Variants in URB1 observed in about 807,000 individuals in gnomAD.
URB1 encodes URB1 ribosome biogenesis factor.
In URB1, 197 loss-of-function variants were observed where a neutral mutation model predicts 242.3. The observed-to-expected ratio is 0.81, with a 90% confidence interval of 0.72 to 0.91. URB1 has a LOEUF of 0.91. URB1 is among the 40% of genes least tolerant of loss of function. The pLI is 0.00. For synonymous variants in URB1, 1,153 were observed against 1,201.8 expected (o/e 0.96, Z 0.84); for missense variants, 2,721 against 2,860.5 (o/e 0.95, Z 1.11).
chr21:32,391,856 T>TAAA (rs67993951), intron 1 of URB1, among the ~76,000 whole-genome samples: 8 of 130,284 alleles, frequency 6.1e-5, no homozygotes, highest in South Asian at 2.5e-4. Flanking sequence ...CTACAAAAAG[T>TAAA]AAAAAAAAAA....
intron 26 of URB1, among the ~76,000 whole-genome samples, 189 bp from the exon 27 acceptor site, chr21:32,337,703 T>A (rs999282701): frequency 1.3e-5 from 2 of 151,742 alleles, no homozygotes; most frequent in African/African-American, 4.9e-5. Context: ...TTTTCTTTTT[T>A]TCTTTTTTTT....
rs941604707 is a variant in URB1 at position 32,313,224 on chromosome 21, T to G, written c.*1694A>C. The G allele has an allele frequency of 2.0e-5, 3 of 152,214 alleles. No individual in the cohort carries two copies. The highest frequency in any genetic ancestry group is 2.1e-4 in the South Asian group (1 of 4,826). The allele number at this position is 152,214 out of a possible 1,614,324, so 9.4% of individuals were successfully genotyped here. On this transcript the variant is annotated 3_prime_UTR_variant, in exon 39 of 39. Coordinates refer to ENST00000382751, the MANE Select transcript of URB1 (RefSeq NM_014825.3). ...ATCCACCCCACCTGCTCGCTGCCCC[T>G]CCCTGTGCCCCCAGAGGCATGGGGT... is the stretch of plus-strand genomic sequence containing the variant.
At position 32,346,984 on chromosome 21, in the gene URB1, T is replaced by C. The variant is rs1190596413; in HGVS notation, c.3840A>G (p.Thr1280=). The change falls in exon 22 of 39, where the codon ACA becomes ACG. Residue 1280 remains threonine (T), a synonymous_variant. Coordinates refer to ENST00000382751, the MANE Select transcript of URB1 (RefSeq NM_014825.3). ...PLIHVYLQCR[T]RSHFTRPAGV... ...CTGCTGGGCGTGTGAAGTGGCTCCG[T>C]GTCCTGCACTGGAGGTACACATGGA... The C allele has an allele frequency of 2.6e-6, 4 of 1,529,000 alleles. No individual in the cohort carries two copies. In the South Asian group the frequency reaches 4.9e-5, roughly 19 times the overall value. The allele number at this position is 1,529,000 out of a possible 1,614,324, so 94.7% of individuals were successfully genotyped here.
At chr21:32,322,883 G>A (rs932380374) in intron 32 of URB1, among the ~76,000 whole-genome samples, 7 of 152,164 alleles carry the variant, frequency 4.6e-5, no homozygotes, top group Admixed American at 6.5e-5. Context: ...CAAACCAGCC[G>A]GTGGGAAGGG....
In URB1 at chr21:32,314,123, A is replaced by C. The variant is rs1189672340; in HGVS notation, c.*795T>G. ...AATAAAATAATTAAACACTGGCAGAAATTAACTTATTCAAAAAGTCATACT... is the reference window on the plus strand; with the variant it reads ...AATAAAATAATTAAACACTGGCAGACATTAACTTATTCAAAAAGTCATACT... On this transcript the variant is annotated 3_prime_UTR_variant, in exon 39 of 39. Transcript: ENST00000382751. 1 of 165,910 alleles carries C rather than the reference A, an allele frequency of 6.0e-6. No homozygotes were observed. The highest frequency in any genetic ancestry group is 2.4e-5 in the African/African-American group (1 of 41,624). 10.3% of individuals were successfully genotyped at this position (165,910 alleles called of 1,614,324 possible).
chr21:32,322,335 G>T, intron 33 of URB1, 143 bp downstream of exon 33: 1 of 737,618 alleles, frequency 1.4e-6, no homozygotes, highest in Non-Finnish European at 2.3e-6. Context: ...ACATTCCGAA[G>T]TGCAGGCCTG....
Position 32,392,985 on chromosome 21 carries a change from A to C in URB1, c.-75T>G. 1 of 1,415,438 alleles carries C rather than the reference A, an allele frequency of 7.1e-7. No individual in the cohort carries two copies. Among genetic ancestry groups the C allele is most frequent in the Non-Finnish European group, 9.2e-7 (1 of 1,084,218 alleles). 87.7% of individuals were successfully genotyped at this position (1,415,438 alleles called of 1,614,324 possible). A position where few individuals can be genotyped will look rare whatever the true frequency, so the allele number is the denominator to read the frequency against. On this transcript the variant is annotated 5_prime_UTR_variant, in exon 1 of 39. Transcript: ENST00000382751. ...GCAGGAGCACTGGCACAGACAGCAG[A>C]CACGCGCTTCAGGCCCACATGGCGC...
At chr21:32,356,415 A>G (rs1217945939) in intron 15 of URB1, among the ~76,000 whole-genome samples, 1 of 152,062 alleles carries the variant, frequency 6.6e-6, no homozygotes, top group Admixed American at 6.6e-5. Flanking sequence ...AGACAATATG[A>G]TCCCTTCTCT....
intron 14 of URB1, among the ~76,000 whole-genome samples, chr21:32,358,971 G>A (rs1568824029): frequency 6.6e-6 from 1 of 152,152 alleles, no homozygotes; most frequent in Non-Finnish European, 1.5e-5. Context: ...CCCAGCATGC[G>A]AGTAAGTTCT....
chr21:32,391,369 T>TA (rs71963938), intron 1 of URB1, among the ~76,000 whole-genome samples: 34,921 of 148,724 alleles, frequency 0.23, 4,933 homozygotes, highest in East Asian at 0.52. Context: ...AAAGTATGAT[T>TA]AAAAAAAAAA....
At position 32,333,448 on chromosome 21, in the gene URB1, G is replaced by C. The variant is rs1019685811; in HGVS notation, c.4858-29C>G. 4 of 1,513,968 alleles carry C rather than the reference G, an allele frequency of 2.6e-6. No homozygotes were observed. In the African/African-American group the frequency reaches 5.5e-5, roughly 21 times the overall value. The allele number at this position is 1,513,968 out of a possible 1,614,324, so 93.8% of individuals were successfully genotyped here. On this transcript the variant is annotated intron_variant, in intron 29 of 38. Transcript: ENST00000382751. Reference sequence around the variant, plus strand: ...AAAGAGCCAAAATCAACAAAAACGTGTGATTCAACCTCACAAAGGTAATAC... The same window carrying C: ...AAAGAGCCAAAATCAACAAAAACGTCTGATTCAACCTCACAAAGGTAATAC...
At chr21:32,354,299 A>G (rs1003165664) in intron 17 of URB1, among the ~76,000 whole-genome samples, 196 bp from the exon 18 acceptor site, 1 of 152,266 alleles carries the variant, frequency 6.6e-6, no homozygotes, top group African/African-American at 2.4e-5. Context: ...TTTGTCTGAT[A>G]AAATGCAGGA....
At position 32,311,439 on chromosome 21, in the gene URB1, AGG is replaced by A. The variant is rs1428509050; in HGVS notation, c.*3477_*3478del. The A allele has an allele frequency of 7.1e-6, 1 of 141,332 alleles. No individual in the cohort carries two copies. The highest frequency in any genetic ancestry group is 2.1e-4 in the East Asian group (1 of 4,758). The allele number at this position is 141,332 out of a possible 1,614,324, so 8.8% of individuals were successfully genotyped here. ...CACCCCCCCCATCCTAAATCAATGT[AGG>A]AAGAAGTGGCCTCCAGGGAAAGACC... On this transcript the variant is annotated 3_prime_UTR_variant, in exon 39 of 39. Coordinates refer to ENST00000382751, the MANE Select transcript of URB1 (RefSeq NM_014825.3).
At position 32,385,614 on chromosome 21, in the gene URB1, ATACCCTTC is replaced by A. The variant is rs1046060808; in HGVS notation, c.205_212del (p.Glu69TyrfsTer6). Reference sequence around the variant, plus strand: ...CGACACACTCAACAGAAATCTTTATATACCCTTCCACAACATCATACACATCTTCTCGT... The same window carrying A: ...CGACACACTCAACAGAAATCTTTATACACAACATCATACACATCTTCTCGT... On this transcript the variant is annotated frameshift_variant, in exon 2 of 39. Transcript: ENST00000382751. LOFTEE classifies it high-confidence loss of function. 1.9e-6 allele frequency: 3 copies of A among 1,551,766 alleles called. No homozygotes were observed. In the African/African-American group the frequency reaches 4.1e-5, roughly 21 times the overall value.
chr21:32,380,446 C>T (rs1279131081), intron 4 of URB1, among the ~76,000 whole-genome samples: 2 of 152,222 alleles, frequency 1.3e-5, no homozygotes, highest in East Asian at 1.9e-4. Context: ...AAGGAGTTTG[C>T]ATCCAATGAT....
chr21:32,344,871 C>A lies in URB1; in HGVS notation c.4071-115G>T, dbSNP rs2033068235. On this transcript the variant is annotated intron_variant, in intron 23 of 38. Coordinates refer to ENST00000382751, the MANE Select transcript of URB1 (RefSeq NM_014825.3). ...GATAGATGCTGAGTCCTGCTCCCCA[C>A]ACTACCCACTCACAGGAATCACAGG... 2.5e-6 allele frequency: 3 copies of A among 1,202,878 alleles called. No individual in the cohort carries two copies. The South Asian group carries it at 5.0e-5, about 20-fold the overall frequency. The allele number at this position is 1,202,878 out of a possible 1,614,324, so 74.5% of individuals were successfully genotyped here. A position where few individuals can be genotyped will look rare whatever the true frequency, so the allele number is the denominator to read the frequency against.
Position 32,344,675 on chromosome 21 carries a change from C to G in URB1, c.4152G>C (p.Glu1384Asp). 1 of 1,552,358 alleles carries G rather than the reference C, an allele frequency of 6.4e-7. No homozygotes were observed. Among genetic ancestry groups the G allele is most frequent in the Non-Finnish European group, 8.7e-7 (1 of 1,147,152 alleles). The change falls in exon 24 of 39, where the codon GAG becomes GAC. Residue 1384 changes from glutamate (E) to aspartate (D), a missense_variant. Glu to Asp is a conservative substitution (Grantham distance 45, BLOSUM62 2). Coordinates refer to ENST00000382751, the MANE Select transcript of URB1 (RefSeq NM_014825.3). The stretch of plus-strand genomic sequence containing the variant: ...ACACGATCAGCCACTTCACACAGGA[C>G]TCCAAAAGGGTCCTTCTCCAGGCAC... The part of the protein sequence containing the change: ...ELCAWRRTLL[E>D]SCVKWLIVSF...
chr21:32,391,152 G>A (rs1192932832), intron 1 of URB1, among the ~76,000 whole-genome samples: 1 of 150,446 alleles, frequency 6.6e-6, no homozygotes, highest in Admixed American at 6.6e-5. Context: ...TCACTCATAG[G>A]TGGGAACTGA....
rs564594808 is a variant in URB1 at position 32,311,951 on chromosome 21, C to T, written c.*2967G>A. ...GGGGTCCCCTCGTCAGGAGCAAGCC[C>T]AGCGAGCCTCCCCCTGGAGACAGGA... On this transcript the variant is annotated 3_prime_UTR_variant, in exon 39 of 39. Coordinates refer to ENST00000382751, the MANE Select transcript of URB1 (RefSeq NM_014825.3). 2 of 1,613,572 alleles carry T rather than the reference C, an allele frequency of 1.2e-6. No individual in the cohort carries two copies. The highest frequency in any genetic ancestry group is 1.7e-6 in the Non-Finnish European group (2 of 1,180,040).
Sources: allele counts gnomAD v4.1 joint callset (sites outside exome capture counted in the v4.1 genomes callset), GRCh38; gene constraint gnomAD v4.1.1; transcripts MANE v1.5; gene names NCBI Gene and HGNC (gene_info 2026-07-23, HGNC 2026-07-21).